ABCC3: variants seen among roughly 807,000 people sequenced by gnomAD.
ABCC3 encodes the protein ATP binding cassette subfamily C member 3.
In ABCC3, 121 loss-of-function variants were observed where a neutral mutation model predicts 165.3. The ratio of observed to expected loss-of-function variants is 0.73; its 90% CI spans 0.63 to 0.85. The LOEUF (loss-of-function observed/expected upper bound fraction) is 0.85. Ranked by LOEUF, ABCC3 falls within the 40% of genes least tolerant of loss-of-function variation. ABCC3 has a pLI of 0.00. For synonymous variants in ABCC3, 733 were observed against 810.1 expected, an observed-to-expected ratio of 0.90 and a Z score of 1.62; for missense variants, 1,869 against 1,964.1, an observed-to-expected ratio of 0.95 and a Z score of 0.92.
intron 23 of ABCC3, among the ~76,000 whole-genome samples, chr17:50,676,901 G>A (rs1033411458): frequency 6.1e-5 from 9 of 147,126 alleles, no homozygotes; most frequent in South Asian, 2.1e-4. Context: ...GGGGGGGGAC[G>A]GAATCTCGAG....
At chr17:50,665,940 C>G (rs1327054173) in intron 11 of ABCC3, among the ~76,000 whole-genome samples, 1 of 151,798 alleles carries the variant, frequency 6.6e-6, no homozygotes, top group Non-Finnish European at 1.5e-5. Flanking sequence ...TCCCACTGCC[C>G]ATAGGAAAAA....
chr17:50,689,258 C>T (rs61571652), intron 30 of ABCC3, among the ~76,000 whole-genome samples: 22,205 of 152,258 alleles, frequency 0.15, 1,770 homozygotes, highest in Non-Finnish European at 0.18. Context: ...TCCTCCCCAG[C>T]CCCTTGCTCT....
In ABCC3 at chr17:50,668,518, G is replaced by A. The variant is rs1967573885; in HGVS notation, c.1870+1G>A. ...GTGGAAAGAAAGACCATCTCCCCAG[G>A]TCTAGAGAGCCCCTACCTGGGCTGC... On this transcript the variant is annotated splice_donor_variant, in intron 14 of 30. Transcript: ENST00000285238. LOFTEE classifies it high-confidence loss of function. 1.9e-6 allele frequency: 3 copies of A among 1,612,840 alleles called. No homozygotes were observed. Among genetic ancestry groups the A allele is most frequent in the African/African-American group, 1.3e-5 (1 of 74,822 alleles).
chr17:50,691,222 C>A lies in ABCC3; in HGVS notation c.*22C>A. 6.4e-7 allele frequency: 1 copy of A among 1,566,982 alleles called. No individual in the cohort carries two copies. Among genetic ancestry groups the A allele is most frequent in the Non-Finnish European group, 8.8e-7 (1 of 1,137,406 alleles). ...CTAAAATATATTCCTGAGATTTCCT[C>A]CTGGCCTTTCCTGGTTTTCATCAGG... is the stretch of plus-strand genomic sequence containing the variant. On this transcript the variant is annotated 3_prime_UTR_variant, in exon 31 of 31. Transcript: ENST00000285238.
At chr17:50,662,637 CAAA>C (rs60389534) in intron 8 of ABCC3, among the ~76,000 whole-genome samples, 5 of 74,886 alleles carry the variant, frequency 6.7e-5, no homozygotes, top group African/African-American at 1.5e-4. Flanking sequence ...GACCCTGTCT[CAAA>C]AAAAAAAAAA....
chr17:50,663,197 GC>G (rs1258661037), intron 8 of ABCC3: 1 of 165,192 alleles, frequency 6.1e-6, no homozygotes, highest in Non-Finnish European at 1.3e-5. Flanking sequence ...GGTGAAGAAG[GC>G]CCCAAGAGCG....
At position 50,669,284 on chromosome 17, in the gene ABCC3, T is replaced by C. The variant is rs1312702040; in HGVS notation, c.2064+18T>C. The C allele has an allele frequency of 2.5e-6, 4 of 1,613,930 alleles. No homozygotes were observed. Among genetic ancestry groups the C allele is most frequent in the Non-Finnish European group, 3.4e-6 (4 of 1,180,002 alleles). The stretch of plus-strand genomic sequence containing the variant: ...ACATGAAGGTGAGAGAGGCAGGGGC[T>C]CCTGGGCAGGGTGTGGGGCTCAGCC... On this transcript the variant is annotated intron_variant, in intron 16 of 30. Transcript: ENST00000285238.
chr17:50,679,972 C>T (rs1460321702), intron 26 of ABCC3, 73 bp downstream of exon 26: 6 of 1,200,160 alleles, frequency 5.0e-6, no homozygotes, highest in Non-Finnish European at 7.3e-6. Context: ...GGCTCTCTCT[C>T]CCTCAACATC....
In ABCC3 at chr17:50,656,781, C is replaced by T. The variant is rs1967259059; in HGVS notation, c.302C>T (p.Pro101Leu). Residue 101 changes from proline to leucine, a missense_variant, in exon 3 of 31, where the codon CCT (proline) becomes CTT (leucine). Coordinates refer to ENST00000285238, the MANE Select transcript of ABCC3 (RefSeq NM_003786.4). ...SFHGLVHGRA[P>L]APVFFVTPLV... ...CATGGCCTGGTCCATGGCCGGGCCC[C>T]TGCCCCTGTTTTCTTTGTCACCCCC... 2 of 1,613,930 alleles carry T rather than the reference C, an allele frequency of 1.2e-6. No individual in the cohort carries two copies. The highest frequency in any genetic ancestry group is 4.5e-5 in the East Asian group (2 of 44,870).
chr17:50,686,645 C>G (rs185251416), intron 29 of ABCC3, among the ~76,000 whole-genome samples: 1 of 152,046 alleles, frequency 6.6e-6, no homozygotes, highest in Non-Finnish European at 1.5e-5. Flanking sequence ...TGCCCCACCC[C>G]GACACATGCC....
At chr17:50,670,500 A>G (rs377233391) in intron 17 of ABCC3, among the ~76,000 whole-genome samples, 5 of 152,356 alleles carry the variant, frequency 3.3e-5, no homozygotes, top group Middle Eastern at 3.4e-3. Flanking sequence ...AATAGTATAC[A>G]GTAGTGAATA....
chr17:50,683,238 G>A (rs1967956559), intron 26 of ABCC3, among the ~76,000 whole-genome samples: 1 of 151,372 alleles, frequency 6.6e-6, no homozygotes, highest in Non-Finnish European at 1.5e-5. Context: ...AGGCATGGTG[G>A]CATGTGCCTG....
chr17:50,668,858 G>A lies in ABCC3; in HGVS notation c.1876G>A (p.Ala626Thr), dbSNP rs1397860351. 6.2e-7 allele frequency: 1 copy of A among 1,613,738 alleles called. No homozygotes were observed. Among genetic ancestry groups the A allele is most frequent in the South Asian group, 1.1e-5 (1 of 91,046 alleles). ...VERKTISPGY[A>T]ITIHSGTFTW... ...GCCCACCTTGGTCCTCTCAGGCTATGCCATCACCATACACAGTGGCACCTT... is the reference window on the plus strand; with the variant it reads ...GCCCACCTTGGTCCTCTCAGGCTATACCATCACCATACACAGTGGCACCTT... The change falls in exon 15 of 31, where the codon GCC becomes ACC. Residue 626 changes from alanine to threonine, a missense_variant. Physicochemically the swap from Ala to Thr is moderately conservative, Grantham distance 58. Transcript: ENST00000285238.
Position 50,690,996 on chromosome 17 carries a change from CTG to C in ABCC3, c.4476-93_4476-92del, listed in dbSNP as rs1968113467. On this transcript the variant is annotated intron_variant, in intron 30 of 30. Transcript: ENST00000285238. ...CTGTGTTGGGTGGGTTGGCATGTCACTGTGGGCCTGAGCAAGTACCCAGAAGA... is the reference window on the plus strand; with the variant it reads ...CTGTGTTGGGTGGGTTGGCATGTCACTGGGCCTGAGCAAGTACCCAGAAGA... 6 of 916,680 alleles carry C rather than the reference CTG, an allele frequency of 6.5e-6. No homozygotes were observed. The East Asian group carries it at 1.5e-4, about 24-fold the overall frequency. 56.8% of individuals were successfully genotyped at this position (916,680 alleles called of 1,614,324 possible). A position where few individuals can be genotyped will look rare whatever the true frequency, so the allele number is the denominator to read the frequency against.
intron 1 of ABCC3, among the ~76,000 whole-genome samples, chr17:50,652,559 A>G (rs928889465): frequency 2.0e-4 from 30 of 152,212 alleles, no homozygotes; most frequent in African/African-American, 6.8e-4. Flanking sequence ...GCAAGTGAAC[A>G]GTTTTATCTA....
At chr17:50,660,871 C>T (rs1227903279) in intron 7 of ABCC3, 52 bp from the exon 8 acceptor site, 1 of 1,516,342 alleles carries the variant, frequency 6.6e-7, no homozygotes, top group African/African-American at 1.4e-5. Context: ...CCTTGGCTTC[C>T]TGGAGCCCCT....
At position 50,655,929 on chromosome 17, in the gene ABCC3, C is replaced by A; in HGVS notation, c.143C>A (p.Ala48Asp). Residue 48 changes from alanine to aspartate, a missense_variant, in exon 2 of 31, where the codon GCC becomes GAC. Physicochemically the swap from Ala to Asp is moderately radical, Grantham distance 126. Transcript: ENST00000285238. ...AWVPCIYLWV[A>D]LPCYLLYLRH... ...GTGCCCTGCATCTACCTGTGGGTCG[C>A]CCTGCCCTGCTACTTGCTCTACCTG... 1 of 1,614,098 alleles carries A rather than the reference C, an allele frequency of 6.2e-7. No homozygotes were observed. The highest frequency in any genetic ancestry group is 8.5e-7 in the Non-Finnish European group (1 of 1,180,026).
Position 50,663,750 on chromosome 17 carries a change from G to A in ABCC3, c.1068G>A (p.Met356Ile), listed in dbSNP as rs146447918. ...SWWGFLVAGLMFLCSMMQSLI... is the reference protein window; with the variant it reads ...SWWGFLVAGLIFLCSMMQSLI... ...GGGGCTTCCTGGTGGCTGGGCTGAT[G>A]TTCCTGTGCTCCATGATGCAGTCGC... The change falls in exon 9 of 31, where the codon ATG (methionine) becomes ATA (isoleucine). Residue 356 changes from methionine (M) to isoleucine (I), a missense_variant. Coordinates refer to ENST00000285238, the MANE Select transcript of ABCC3 (RefSeq NM_003786.4). 3.4e-5 allele frequency: 55 copies of A among 1,614,112 alleles called. No individual in the cohort carries two copies. The African/African-American group carries it at 7.2e-4, about 21-fold the overall frequency.
chr17:50,690,993 TCA>T, intron 30 of ABCC3, 97 bp from the exon 31 acceptor site: 1 of 878,724 alleles, frequency 1.1e-6, no homozygotes, highest in Non-Finnish European at 1.8e-6. Context: ...GGTTGGCATG[TCA>T]CTGTGGGCCT....
Sources: allele counts gnomAD v4.1 joint callset (sites outside exome capture counted in the v4.1 genomes callset), GRCh38; gene constraint gnomAD v4.1.1; transcripts MANE v1.5; gene names NCBI Gene and HGNC (gene_info 2026-07-23, HGNC 2026-07-21).